TMEM40: variants seen among roughly 807,000 people sequenced by gnomAD.
TMEM40 encodes transmembrane protein 40.
TMEM40 carries 34 observed loss-of-function variants against 40.8 expected under a neutral mutation model. The observed-to-expected ratio is 0.83, with a 90% CI of 0.63 to 1.11. The LOEUF (loss-of-function observed/expected upper bound fraction) is 1.11, where lower values mean the gene tolerates loss of function less well. Ranked by LOEUF, TMEM40 falls within the 50% of genes least tolerant of loss-of-function variation. The probability of loss-of-function intolerance (pLI) is 0.00; values close to 1 mark genes in which losing one functional copy is unlikely to be tolerated. For synonymous variants in TMEM40, 106 were observed against 107.0 expected, an observed-to-expected ratio of 0.99 and a Z score of 0.06; for missense variants, 296 against 280.2, an observed-to-expected ratio of 1.06 and a Z score of -0.40.
intron 3 of TMEM40, among the ~76,000 whole-genome samples, chr3:12,747,676 G>A (rs1466473887): frequency 1.3e-5 from 2 of 152,024 alleles, no homozygotes; most frequent in Admixed American, 6.6e-5. Context: ...TTGGGAGGCC[G>A]AGGTGGGCAG....
At chr3:12,738,492 G>A in intron 6 of TMEM40, 61 bp downstream of exon 6, 1 of 1,577,772 alleles carries the variant, frequency 6.3e-7, no homozygotes, top group African/African-American at 1.3e-5. Context: ...GGGGAGAGGT[G>A]ATGCCTAGAC....
intron 5 of TMEM40, 41 bp from the exon 6 acceptor site, chr3:12,738,629 T>G (rs766923055): frequency 2.3e-5 from 36 of 1,594,202 alleles, no homozygotes; most frequent in Non-Finnish European, 1.5e-5. Flanking sequence ...CCCATGATCC[T>G]CTGGGGGGGG....
chr3:12,751,823 T>TG (rs143315873), intron 1 of TMEM40, among the ~76,000 whole-genome samples: 1 of 152,142 alleles, frequency 6.6e-6, no homozygotes, highest in Non-Finnish European at 1.5e-5. Flanking sequence ...TAGAGCCACG[T>TG]GGGGGAAAGA....
At position 12,741,792 on chromosome 3, in the gene TMEM40, GGAAA is replaced by G. The variant is rs966899605; in HGVS notation, c.355+658_355+661del. 2.8e-3 allele frequency among the ~76,000 whole-genome samples: 428 copies of G among 150,500 alleles called. 2 individuals carry two copies. Among genetic ancestry groups the G allele is most frequent in the African/African-American group, 0.01 (414 of 41,140 alleles). ...CAAAAAAAAAAAAAAAAAGAAAGAA[GGAAA>G]GAAAGAAAGAAAGAAGGACCAGGTG... On this transcript the variant is annotated intron_variant, in intron 5 of 11. Transcript: ENST00000314124.
chr3:12,753,137 C>T (rs536939341), intron 1 of TMEM40, among the ~76,000 whole-genome samples: 1 of 151,564 alleles, frequency 6.6e-6, no homozygotes, highest in South Asian at 2.1e-4. Flanking sequence ...GGCTCTGTTT[C>T]TCCTTTCAAT....
intron 5 of TMEM40, 78 bp from the exon 6 acceptor site, chr3:12,738,666 T>A (rs2061357444): frequency 1.3e-6 from 2 of 1,496,978 alleles, no homozygotes; most frequent in Admixed American, 1.7e-5. Context: ...GGAAGGTGGA[T>A]CCTGCTCGGA....
At chr3:12,761,407 C>T (rs558343286), upstream of TMEM40, among the ~76,000 whole-genome samples, 1 of 152,204 alleles carries the variant, frequency 6.6e-6, no homozygotes, top group South Asian at 2.1e-4. Context: ...GAGTTCAAGA[C>T]CGGCCTGGCC....
chr3:12,760,349 C>T (rs9865686), upstream of TMEM40, among the ~76,000 whole-genome samples: 28 of 152,280 alleles, frequency 1.8e-4, no homozygotes, highest in Admixed American at 1.0e-3. Context: ...CAAGCCCCTG[C>T]GAGATCTTCC....
chr3:12,759,978 G>A (rs1381876739), upstream of TMEM40, among the ~76,000 whole-genome samples: 2 of 50 alleles, frequency 0.04, no homozygotes, highest in East Asian at 0.5. Context: ...AGGGAAACAG[G>A]CAAGGCCCAG....
intron 7 of TMEM40, 103 bp downstream of exon 7, chr3:12,738,033 T>A: frequency 7.0e-7 from 1 of 1,427,536 alleles, no homozygotes; most frequent in South Asian, 1.2e-5. Context: ...GGCGACAGCA[T>A]CCCTGCTGGG....
At chr3:12,743,068 C>T (rs1415518927) in intron 4 of TMEM40, among the ~76,000 whole-genome samples, 1 of 152,238 alleles carries the variant, frequency 6.6e-6, no homozygotes, top group East Asian at 1.9e-4. Context: ...TTCTGTGTGG[C>T]AGGTTCTGTA....
intron 8 of TMEM40, among the ~76,000 whole-genome samples, chr3:12,737,198 T>A (rs973706592): frequency 9.9e-4 from 150 of 151,194 alleles, no homozygotes; most frequent in Non-Finnish European, 1.6e-3. Context: ...TTTTTTTTTT[T>A]AATTACAAAA....
At chr3:12,755,235 CTTTCTTTCTTTCTT>C (rs1356746766) in intron 1 of TMEM40, among the ~76,000 whole-genome samples, 14 of 52,526 alleles carry the variant, frequency 2.7e-4, no homozygotes, top group East Asian at 4.6e-4. Context: ...CTCTCTCTCT[CTTTCTTTCTTTCTT>C]TCTTTCTTTC....
chr3:12,738,515 C>G, intron 6 of TMEM40, 38 bp downstream of exon 6: 1 of 1,612,638 alleles, frequency 6.2e-7, no homozygotes, highest in Non-Finnish European at 8.5e-7. Flanking sequence ...GGCTCAATAC[C>G]AGCACCAACG....
At position 12,749,977 on chromosome 3, in the gene TMEM40, G is replaced by A. The variant is rs2061461007; in HGVS notation, c.-8-137C>T. 3.3e-6 allele frequency: 3 copies of A among 906,364 alleles called. No homozygotes were observed. The Admixed American group carries it at 8.2e-5, about 25-fold the overall frequency. The allele number at this position is 906,364 out of a possible 1,614,324, so 56.1% of individuals were successfully genotyped here. The stretch of plus-strand genomic sequence containing the variant: ...AAGAAAAATAATTAACAAAAAAAAT[G>A]GTAGTTCTGTTGGCAAGCAAGAAGG... On this transcript the variant is annotated intron_variant, in intron 1 of 11. Coordinates refer to ENST00000314124, the MANE Select transcript of TMEM40 (RefSeq NM_018306.4).
At position 12,734,616 on chromosome 3, in the gene TMEM40, T is replaced by C. The variant is rs2106603141; in HGVS notation, c.*158A>G. 2.4e-6 allele frequency: 2 copies of C among 836,838 alleles called. No individual in the cohort carries two copies. Among genetic ancestry groups the C allele is most frequent in the East Asian group, 5.4e-5 (2 of 36,952 alleles). 51.8% of individuals were successfully genotyped at this position (836,838 alleles called of 1,614,324 possible). A position where few individuals can be genotyped will look rare whatever the true frequency, so the allele number is the denominator to read the frequency against. On this transcript the variant is annotated 3_prime_UTR_variant, in exon 12 of 12. Transcript: ENST00000314124. ...AATGAGATGCCCCTGCCCGGGCTGG[T>C]GCCAACATTCAGACCACATGGAAGG...
intron 1 of TMEM40, among the ~76,000 whole-genome samples, chr3:12,756,632 T>G (rs2061529745): frequency 6.6e-6 from 1 of 152,190 alleles, no homozygotes; most frequent in South Asian, 2.1e-4. Context: ...TCGTCCTAAC[T>G]TGGTGTAGTG....
At chr3:12,755,231 C>T (rs2061515146) in intron 1 of TMEM40, among the ~76,000 whole-genome samples, 27 of 98,108 alleles carry the variant, frequency 2.8e-4, no homozygotes, top group African/African-American at 1.4e-3. Flanking sequence ...CTCTCTCTCT[C>T]TCTCTTTCTT....
chr3:12,745,145 C>T (rs1441052465), intron 3 of TMEM40, among the ~76,000 whole-genome samples: 1 of 152,034 alleles, frequency 6.6e-6, no homozygotes, highest in African/African-American at 2.4e-5. Context: ...CTGCAACCTC[C>T]ACCTCCCAGG....
Sources: allele counts gnomAD v4.1 joint callset (sites outside exome capture counted in the v4.1 genomes callset), GRCh38; gene constraint gnomAD v4.1.1; transcripts MANE v1.5; gene names NCBI Gene and HGNC (gene_info 2026-07-23, HGNC 2026-07-21).